Variants in SCN10A observed in about 807,000 individuals in gnomAD.
SCN10A encodes the protein sodium channel protein type 10 subunit alpha.
SCN10A carries 162 observed loss-of-function variants against 170.7 expected under a neutral mutation model. That is an observed-to-expected ratio of 0.95 (90% confidence interval 0.84 to 1.08). The LOEUF is 1.08. Ranked by LOEUF, SCN10A falls within the 50% of genes least tolerant of loss-of-function variation. SCN10A has a pLI of 0.00. For synonymous variants in SCN10A, 985 were observed against 904.6 expected, an observed-to-expected ratio of 1.09 and a Z score of -1.59; for missense variants, 2,527 against 2,436.9, an observed-to-expected ratio of 1.04 and a Z score of -0.78.
intron 2 of SCN10A, 118 bp from the exon 3 acceptor site, chr3:38,792,286 A>G (rs1316233739): frequency 4.6e-6 from 6 of 1,301,916 alleles, no homozygotes; most frequent in Non-Finnish European, 6.4e-6. Flanking sequence ...GGCTCTGGGA[A>G]CTACAGGTCA....
At position 38,696,969 on chromosome 3, in the gene SCN10A, T is replaced by C. The variant is rs771435919; in HGVS notation, c.*380A>G. 3.5e-5 allele frequency: 9 copies of C among 253,754 alleles called. No homozygotes were observed. The highest frequency in any genetic ancestry group is 6.9e-5 in the Non-Finnish European group (9 of 130,648). 15.7% of individuals were successfully genotyped at this position (253,754 alleles called of 1,614,324 possible). On this transcript the variant is annotated 3_prime_UTR_variant, in exon 28 of 28. Transcript: ENST00000449082. ...CTCTGTATGGTGCTCCACAGAGGAC[T>C]ACCTTGGACCTTCAGTAATGTTCTT...
rs1367210388 is a variant in SCN10A at position 38,712,504 on chromosome 3, T to A, written c.3805-59A>T. The stretch of plus-strand genomic sequence containing the variant: ...CAATGCCCCACCCCCTCTGCTGGAT[T>A]CTATCTCTTTCTATACTCATTCAGG... On this transcript the variant is annotated intron_variant, in intron 22 of 27. Transcript: ENST00000449082. The A allele has an allele frequency of 2.6e-6, 4 of 1,539,186 alleles. No individual in the cohort carries two copies. The African/African-American group carries it at 4.1e-5, about 16-fold the overall frequency.
intron 21 of SCN10A, among the ~76,000 whole-genome samples, chr3:38,716,626 A>AT (rs2063336827): frequency 1.3e-5 from 2 of 152,272 alleles, no homozygotes; most frequent in Admixed American, 1.3e-4. Flanking sequence ...AATAAAATAT[A>AT]TTTTTTAAAA....
At chr3:38,790,129 AT>A (rs2126058484) in intron 3 of SCN10A, among the ~76,000 whole-genome samples, 1 of 152,266 alleles carries the variant, frequency 6.6e-6, no homozygotes, top group African/African-American at 2.4e-5. Flanking sequence ...ATATGCTCAC[AT>A]GGGGGGAAAT....
intron 5 of SCN10A, among the ~76,000 whole-genome samples, chr3:38,770,592 T>A (rs1030528651): frequency 6.6e-6 from 1 of 152,134 alleles, no homozygotes; most frequent in African/African-American, 2.4e-5. Context: ...CTGGTCTTGC[T>A]CCTGCAGTGC....
Position 38,717,649 on chromosome 3 carries a change from T to C in SCN10A, c.3681+1004A>G, listed in dbSNP as rs537644424. Among the ~76,000 whole-genome samples, 19 of 152,312 alleles carry C rather than the reference T, an allele frequency of 1.2e-4. No individual in the cohort carries two copies. The East Asian group carries it at 3.7e-3, about 29-fold the overall frequency. ...TGCCAGCACAGGAGGCTGGACAGAA[T>C]GTTCTGTGCTGAACCTCATCCAGCT... On this transcript the variant is annotated intron_variant, in intron 21 of 27. Transcript: ENST00000449082.
chr3:38,773,193 A>C (rs1349255835), intron 4 of SCN10A, among the ~76,000 whole-genome samples: 1 of 152,176 alleles, frequency 6.6e-6, no homozygotes, highest in East Asian at 1.9e-4. Flanking sequence ...GAAGCTGGGC[A>C]TGGTGGTATG....
rs2064169988 is a variant in SCN10A at position 38,784,070 on chromosome 3, AT to A, written c.470+4885del. Among the ~76,000 whole-genome samples, 3 of 152,010 alleles carry A rather than the reference AT, an allele frequency of 2.0e-5. No individual in the cohort carries two copies. The South Asian group carries it at 6.2e-4, about 31-fold the overall frequency. On this transcript the variant is annotated intron_variant, in intron 4 of 27. Coordinates refer to ENST00000449082, the MANE Select transcript of SCN10A (RefSeq NM_006514.4). ...GGTTGTTCTGACATTTTTCTAATTG[AT>A]TTGTAGAGTTCATTACTCTGAATAT...
chr3:38,814,090 C>G (rs2064456975), intron 1 of SCN10A, among the ~76,000 whole-genome samples: 1 of 152,048 alleles, frequency 6.6e-6, no homozygotes, highest in Non-Finnish European at 1.5e-5. Context: ...TAAATAAACA[C>G]AAATTAAGAA....
In SCN10A at chr3:38,722,299, T is replaced by C. The variant is rs199542685; in HGVS notation, c.3466A>G (p.Ser1156Gly). 6.2e-7 allele frequency: 1 copy of C among 1,613,846 alleles called. No individual in the cohort carries two copies. Among genetic ancestry groups the C allele is most frequent in the Non-Finnish European group, 8.5e-7 (1 of 1,179,974 alleles). ...YRIVEHSWFE[S>G]FIIFMILLSS... ...AGCAGGATCATGAAGATGATGAAGC[T>C]CTCAAACCAGCTGTGCTCCACGATA... Residue 1156 changes from serine to glycine, a missense_variant, in exon 20 of 28, where the codon AGC (serine) becomes GGC (glycine). Coordinates refer to ENST00000449082, the MANE Select transcript of SCN10A (RefSeq NM_006514.4).
intron 4 of SCN10A, among the ~76,000 whole-genome samples, chr3:38,772,493 T>A (rs2064015897): frequency 1.3e-5 from 2 of 151,986 alleles, no homozygotes; most frequent in Non-Finnish European, 2.9e-5. Flanking sequence ...ATCGAGACCA[T>A]CCTGGCTAAC....
chr3:38,752,609 C>T, intron 11 of SCN10A, 97 bp from the exon 12 acceptor site: 1 of 1,020,952 alleles, frequency 9.8e-7, no homozygotes, highest in Non-Finnish European at 1.4e-6. Context: ...TTTCCCTGCC[C>T]CTGTCTTTAT....
At position 38,763,591 on chromosome 3, in the gene SCN10A, A is replaced by G. The variant is rs2063900078; in HGVS notation, c.605T>C (p.Val202Ala). The change falls in exon 6 of 28, where the codon GTT (valine) becomes GCT (alanine). Residue 202 changes from valine (V) to alanine (A), a missense_variant. By Grantham distance (64) the Val-to-Ala change is moderately conservative (BLOSUM62 0). Coordinates refer to ENST00000449082, the MANE Select transcript of SCN10A (RefSeq NM_006514.4). ...CCCACGGAGATCTATTGCTGTGCCA[A>G]CATATCTGTAGGACCAGAAGTTAGT... ...LDFSVITLAYVGTAIDLRGIS... is the reference protein window; with the variant it reads ...LDFSVITLAYAGTAIDLRGIS... The G allele has an allele frequency of 6.2e-7, 1 of 1,613,502 alleles. No homozygotes were observed. Among genetic ancestry groups the G allele is most frequent in the East Asian group, 2.2e-5 (1 of 44,882 alleles).
At chr3:38,802,216 A>C (rs902179866) in intron 1 of SCN10A, among the ~76,000 whole-genome samples, 1 of 152,176 alleles carries the variant, frequency 6.6e-6, no homozygotes, top group African/African-American at 2.4e-5. Context: ...TCTGGGCCTC[A>C]GTCAACTAAT....
intron 3 of SCN10A, among the ~76,000 whole-genome samples, chr3:38,791,550 A>G (rs140434227): frequency 3.7e-4 from 57 of 152,268 alleles, no homozygotes; most frequent in Non-Finnish European, 6.0e-4. Flanking sequence ...TGCTCTTCCC[A>G]TCATGGTCTG....
At chr3:38,752,141 G>T in intron 12 of SCN10A, 78 bp downstream of exon 12, 1 of 1,300,368 alleles carries the variant, frequency 7.7e-7, no homozygotes, top group Non-Finnish European at 1.0e-6. Context: ...CCCTTCCATT[G>T]GTGATACTCA....
intron 16 of SCN10A, 150 bp downstream of exon 16, chr3:38,728,392 G>T: frequency 2.6e-6 from 2 of 783,062 alleles, no homozygotes; most frequent in Non-Finnish European, 3.8e-6. Flanking sequence ...TTCTTGTAAT[G>T]AATCCCACAT....
chr3:38,738,898 T>C (rs1265329706), intron 15 of SCN10A, among the ~76,000 whole-genome samples: 1 of 152,146 alleles, frequency 6.6e-6, no homozygotes, highest in Non-Finnish European at 1.5e-5. Flanking sequence ...GTGAGACTAA[T>C]AGGCAGGTTG....
intron 4 of SCN10A, among the ~76,000 whole-genome samples, chr3:38,784,818 A>G (rs935054895): frequency 2.6e-5 from 4 of 152,176 alleles, no homozygotes; most frequent in Admixed American, 6.6e-5. Flanking sequence ...AAAAATCACA[A>G]GCATTCCCAT....
Sources: allele counts gnomAD v4.1 joint callset (sites outside exome capture counted in the v4.1 genomes callset), GRCh38; gene constraint gnomAD v4.1.1; transcripts MANE v1.5; gene names NCBI Gene and HGNC (gene_info 2026-07-23, HGNC 2026-07-21).